The following GRID2 variants were observed in gnomAD, a reference collection of about 807,000 sequenced individuals.
GRID2 encodes glutamate ionotropic receptor delta type subunit 2, also known as glutamate receptor ionotropic, delta-2.
GRID2 carries 33 observed loss-of-function variants against 114.8 expected under a neutral mutation model. That is an observed-to-expected ratio of 0.29 (90% confidence interval 0.22 to 0.38). The LOEUF (loss-of-function observed/expected upper bound fraction) is 0.38, where lower values mean the gene tolerates loss of function less well. Among genes scored for constraint, GRID2 ranks in the 10% least tolerant of loss-of-function variants. The pLI is 1.00. For synonymous variants in GRID2, 505 were observed against 449.9 expected, an observed-to-expected ratio of 1.12 and a Z score of -1.55; for missense variants, 1,184 against 1,257.7, an observed-to-expected ratio of 0.94 and a Z score of 0.89.
intron 14 of GRID2, among the ~76,000 whole-genome samples, chr4:93,761,490 A>T (rs1012416389): frequency 6.6e-6 from 1 of 152,196 alleles, no homozygotes; most frequent in African/African-American, 2.4e-5. Flanking sequence ...ACAAAGGCAG[A>T]GTTGAGTAGT....
At chr4:93,408,527 T>C (rs1395351935) in intron 9 of GRID2, among the ~76,000 whole-genome samples, 1 of 152,186 alleles carries the variant, frequency 6.6e-6, no homozygotes, top group African/African-American at 2.4e-5. Context: ...CTTTATATTT[T>C]CCAGTAAATT....
intron 8 of GRID2, among the ~76,000 whole-genome samples, chr4:93,296,468 C>T (rs1754325099): frequency 6.6e-6 from 1 of 152,062 alleles, no homozygotes; most frequent in African/African-American, 2.4e-5. Context: ...GAAGTGGATC[C>T]AGGAAAGGTA....
chr4:92,551,717 A>T (rs1354176567), intron 1 of GRID2, among the ~76,000 whole-genome samples: 4 of 152,206 alleles, frequency 2.6e-5, no homozygotes. Context: ...AACACAAATA[A>T]TACCATCGTT....
At chr4:93,103,444 A>T (rs75310423) in intron 3 of GRID2, among the ~76,000 whole-genome samples, 3,240 of 152,150 alleles carry the variant, frequency 0.021, 37 homozygotes, top group Middle Eastern at 0.054. Context: ...AAACAATGAA[A>T]GGTTTTCAAG....
intron 1 of GRID2, among the ~76,000 whole-genome samples, chr4:92,433,023 T>A (rs1344098989): frequency 6.6e-6 from 1 of 152,064 alleles, no homozygotes; most frequent in East Asian, 1.9e-4. Context: ...TTGTTCAGGG[T>A]GTGTCTAGAA....
intron 2 of GRID2, among the ~76,000 whole-genome samples, chr4:92,640,582 A>G (rs959549644): frequency 1.3e-5 from 2 of 151,908 alleles, no homozygotes; most frequent in African/African-American, 4.8e-5. Context: ...GAAGAAAATA[A>G]ATTCTGATAA....
intron 2 of GRID2, among the ~76,000 whole-genome samples, chr4:92,756,965 A>G (rs1209122732): frequency 1.3e-5 from 2 of 151,962 alleles, no homozygotes; most frequent in African/African-American, 4.8e-5. Context: ...ATATAGTCCC[A>G]TTTGTCTGTC....
intron 11 of GRID2, among the ~76,000 whole-genome samples, chr4:93,466,415 C>A (rs1338300160): frequency 6.6e-6 from 1 of 152,192 alleles, no homozygotes; most frequent in African/African-American, 2.4e-5. Context: ...AGTGTTGTTA[C>A]AGCTCCATGA....
At chr4:92,939,980 A>T (rs1578538832) in intron 2 of GRID2, among the ~76,000 whole-genome samples, 1 of 147,090 alleles carries the variant, frequency 6.8e-6, no homozygotes, top group African/African-American at 2.4e-5. Context: ...CTTGTAGTAT[A>T]GTTTGAAGTC....
chr4:93,545,264 T>C (rs1733096816), intron 13 of GRID2, among the ~76,000 whole-genome samples: 1 of 152,190 alleles, frequency 6.6e-6, no homozygotes, highest in Non-Finnish European at 1.5e-5. Flanking sequence ...AATTTTAAGA[T>C]AAGACTGGGA....
intron 1 of GRID2, among the ~76,000 whole-genome samples, chr4:92,462,599 T>A (rs1172744892): frequency 6.6e-6 from 1 of 152,020 alleles, no homozygotes; most frequent in Non-Finnish European, 1.5e-5. Context: ...GATAAAAAAA[T>A]GGCTTGCTAT....
intron 1 of GRID2, among the ~76,000 whole-genome samples, chr4:92,472,329 C>T (rs974479508): frequency 6.6e-6 from 1 of 152,122 alleles, no homozygotes; most frequent in African/African-American, 2.4e-5. Flanking sequence ...TATCCACTCA[C>T]ACGTTGATGG....
intron 3 of GRID2, among the ~76,000 whole-genome samples, chr4:93,098,012 C>G (rs1731374449): frequency 6.6e-6 from 1 of 151,928 alleles, no homozygotes; most frequent in Non-Finnish European, 1.5e-5. Context: ...TCTCACCTTT[C>G]TAAGTGGCTT....
intron 2 of GRID2, among the ~76,000 whole-genome samples, chr4:92,777,900 T>G (rs1738886606): frequency 6.6e-6 from 1 of 152,132 alleles, no homozygotes; most frequent in Admixed American, 6.6e-5. Context: ...TCACCCAGTC[T>G]GTGGTATTGG....
chr4:93,035,076 TC>T (rs1181621768), intron 2 of GRID2, among the ~76,000 whole-genome samples: 1 of 150,770 alleles, frequency 6.6e-6, no homozygotes, highest in East Asian at 2.0e-4. Context: ...CTAAGCTCTC[TC>T]CCTTCTTTTA....
intron 2 of GRID2, among the ~76,000 whole-genome samples, chr4:92,597,924 A>G (rs573294382): frequency 6.6e-6 from 1 of 152,294 alleles, no homozygotes; most frequent in East Asian, 1.9e-4. Context: ...TGGAATTTTC[A>G]ATCTGTTATC....
chr4:92,510,753 G>A (rs2149131334), intron 1 of GRID2, among the ~76,000 whole-genome samples: 1 of 151,478 alleles, frequency 6.6e-6, no homozygotes, highest in South Asian at 2.1e-4. Flanking sequence ...AAATTCATGA[G>A]GTAATGGATA....
intron 8 of GRID2, among the ~76,000 whole-genome samples, chr4:93,373,112 T>C (rs1241767290): frequency 6.6e-6 from 1 of 152,124 alleles, no homozygotes; most frequent in African/African-American, 2.4e-5. Flanking sequence ...CTACCTCCTT[T>C]ATTCAGTCTT....
At chr4:92,604,518 G>A (rs922129506) in intron 2 of GRID2, among the ~76,000 whole-genome samples, 3 of 150,370 alleles carry the variant, frequency 2.0e-5, no homozygotes, top group Non-Finnish European at 4.5e-5. Flanking sequence ...GAGGGGAACA[G>A]GGAGGGGACT....
Sources: gnomAD v4.1 joint callset for allele counts (sites outside exome capture counted in the v4.1 genomes callset) on GRCh38, gnomAD v4.1.1 for gene constraint, MANE v1.5 for transcripts, NCBI Gene and HGNC (gene_info 2026-07-23, HGNC 2026-07-21) for gene names.